Variants in HLCS observed in about 807,000 individuals in gnomAD.
HLCS encodes holocarboxylase synthetase, also known as biotin--protein ligase.
In HLCS, 53 loss-of-function variants were observed where a neutral mutation model predicts 75.0. That is an observed-to-expected ratio of 0.71 (90% CI 0.57 to 0.89). The LOEUF is 0.89. HLCS is among the 40% of genes least tolerant of loss of function. The pLI is 0.00. For synonymous variants in HLCS, 431 were observed against 428.6 expected (o/e 1.01, Z -0.07); for missense variants, 966 against 1,074.0 (o/e 0.90, Z 1.41).
rs115524798 is a variant in HLCS, at chr21:36,910,585, T to C, written c.1621-13454A>G. ...TGGCGCTCCTGAAATAGGACTATTT[T>C]TTTTTCCTGACTTCATCTAAGGCAG... On this transcript the variant is annotated intron_variant, in intron 5 of 10. Coordinates refer to ENST00000674895, the MANE Select transcript of HLCS (RefSeq NM_001352514.2). 9.4e-3 allele frequency among the ~76,000 whole-genome samples: 1,427 copies of C among 152,118 alleles called. 14 individuals are homozygous for C. Among genetic ancestry groups the C allele is most frequent in the African/African-American group, 0.029 (1,203 of 41,484 alleles).
At chr21:36,890,632 C>T (rs1483357208) in intron 6 of HLCS, among the ~76,000 whole-genome samples, 1 of 151,962 alleles carries the variant, frequency 6.6e-6, no homozygotes, top group Non-Finnish European at 1.5e-5. Context: ...CTCACATGCC[C>T]AGAGAGATCA....
At chr21:36,793,293 G>GTTTTTTTTTTTTTTTTTTTTTTT (rs1569018321) in intron 6 of HLCS, among the ~76,000 whole-genome samples, 2 of 108,494 alleles carry the variant, frequency 1.8e-5, no homozygotes, top group African/African-American at 6.5e-5. Flanking sequence ...GCAGGAAGCA[G>GTTTTTTTTTTTTTTTTTTTTTTT]TCTTTTTTTT....
At chr21:36,888,438 AAAAAAAAATATATATATAT>A (rs2064574503) in intron 6 of HLCS, among the ~76,000 whole-genome samples, 1 of 30,384 alleles carries the variant, frequency 3.3e-5, no homozygotes, top group African/African-American at 1.1e-4. Context: ...CATTTAAAAA[AAAAAAAAATATATATATAT>A]ATATATATAT....
intron 2 of HLCS, among the ~76,000 whole-genome samples, chr21:36,959,211 C>T (rs1301707129): frequency 2.6e-5 from 4 of 152,220 alleles, no homozygotes; most frequent in African/African-American, 7.2e-5. Flanking sequence ...TCCCTGTGCC[C>T]GCTCTGATTC....
intron 2 of HLCS, among the ~76,000 whole-genome samples, chr21:36,952,789 CAAAAAAAAA>C (rs35700333): frequency 4.1e-5 from 2 of 48,854 alleles, no homozygotes; most frequent in East Asian, 5.9e-4. Flanking sequence ...GACTCCGTCT[CAAAAAAAAA>C]AAAAAAAAAA....
intron 5 of HLCS, among the ~76,000 whole-genome samples, chr21:36,915,390 A>G (rs971982283): frequency 1.3e-5 from 2 of 152,218 alleles, no homozygotes; most frequent in African/African-American, 2.4e-5. Context: ...CCATATCAAG[A>G]GGCCAAGAGC....
intron 5 of HLCS, among the ~76,000 whole-genome samples, chr21:36,915,342 T>C (rs979615948): frequency 6.6e-6 from 1 of 152,260 alleles, no homozygotes; most frequent in Non-Finnish European, 1.5e-5. Flanking sequence ...CATCATGTTA[T>C]GTTAAAATAT....
At chr21:36,950,530 C>T (rs1456320524) in intron 2 of HLCS, among the ~76,000 whole-genome samples, 2 of 151,786 alleles carry the variant, frequency 1.3e-5, no homozygotes, top group South Asian at 2.1e-4. Flanking sequence ...AGTTCAATAG[C>T]GCAATCAGGA....
Position 36,865,267 on chromosome 21 carries a change from G to A in HLCS, c.1892+31593C>T, listed in dbSNP as rs866595027. On this transcript the variant is annotated intron_variant, in intron 6 of 10. Transcript: ENST00000674895. ...CCCACTTATGTGCCCCAGAATGCGCGCCAGTTTAAAGGAATGGCTCTGAGG... is the reference window on the plus strand; with the variant it reads ...CCCACTTATGTGCCCCAGAATGCGCACCAGTTTAAAGGAATGGCTCTGAGG... Among the ~76,000 whole-genome samples, 3 of 151,940 alleles carry A rather than the reference G, an allele frequency of 2.0e-5. No individual in the cohort carries two copies. In the South Asian group the frequency reaches 6.3e-4, roughly 32 times the overall value.
chr21:36,888,475 TATATATATATATATATATA>T lies in HLCS; in HGVS notation c.1892+8366_1892+8384del, dbSNP rs1569149864. 8.8e-4 allele frequency among the ~76,000 whole-genome samples: 111 copies of T among 126,034 alleles called. 6 individuals are homozygous for T. Among genetic ancestry groups the T allele is most frequent in the South Asian group, 4.0e-3 (16 of 3,960 alleles). 82.7% of individuals were successfully genotyped at this position (126,034 alleles called of 152,430 possible). A position where few individuals can be genotyped will look rare whatever the true frequency, so the allele number is the denominator to read the frequency against. ...ATATATATATATATATATATATATA[TATATATATATATATATATA>T]TATTTATTTATTTATTTTATGGGAT... On this transcript the variant is annotated intron_variant, in intron 6 of 10. Transcript: ENST00000674895.
intron 6 of HLCS, among the ~76,000 whole-genome samples, chr21:36,791,231 C>T (rs954436527): frequency 6.6e-6 from 1 of 152,152 alleles, no homozygotes; most frequent in Non-Finnish European, 1.5e-5. Flanking sequence ...GGAAACCCCA[C>T]ATAGGATGTC....
chr21:36,968,315 C>T (rs902517731), upstream of HLCS, among the ~76,000 whole-genome samples: 6 of 152,190 alleles, frequency 3.9e-5, no homozygotes, highest in Middle Eastern at 3.2e-3. Context: ...TTTAAAGTAC[C>T]TTGGCCATTT....
intron 5 of HLCS, among the ~76,000 whole-genome samples, chr21:36,920,411 AAAATAAAAAT>A (rs1467129646): frequency 2.0e-5 from 3 of 152,022 alleles, no homozygotes; most frequent in Non-Finnish European, 2.9e-5. Context: ...ATGGATGCAA[AAAATAAAAAT>A]AAATAAAAAG....
At chr21:36,946,630 GA>G (rs767453003) in intron 2 of HLCS, among the ~76,000 whole-genome samples, 58 of 146,396 alleles carry the variant, frequency 4.0e-4, no homozygotes, top group East Asian at 2.6e-3. Context: ...AAACAATCAT[GA>G]AAAAAAAAAA....
At chr21:36,761,143 G>A (rs902066773) in intron 8 of HLCS, among the ~76,000 whole-genome samples, 1 of 152,188 alleles carries the variant, frequency 6.6e-6, no homozygotes, top group African/African-American at 2.4e-5. Flanking sequence ...CCTATGTGTT[G>A]GTGCTAGCGC....
At chr21:36,765,297 G>A (rs531174452) in intron 7 of HLCS, 125 bp from the exon 8 acceptor site, 12 of 915,338 alleles carry the variant, frequency 1.3e-5, no homozygotes, top group African/African-American at 1.2e-4. Flanking sequence ...GTATTACAAC[G>A]CTTATTATAT....
chr21:36,925,879 A>G (rs1169426762), intron 5 of HLCS, among the ~76,000 whole-genome samples: 2 of 152,262 alleles, frequency 1.3e-5, no homozygotes, highest in Admixed American at 6.5e-5. Context: ...ATAGAAAATA[A>G]AATCTATTAA....
intron 2 of HLCS, among the ~76,000 whole-genome samples, chr21:36,951,120 T>C (rs1455329219): frequency 6.6e-6 from 1 of 152,234 alleles, no homozygotes; most frequent in Non-Finnish European, 1.5e-5. Context: ...TGAATTGATG[T>C]GATAAACAAT....
chr21:36,817,014 C>A (rs868086262), intron 6 of HLCS, among the ~76,000 whole-genome samples: 1 of 152,182 alleles, frequency 6.6e-6, no homozygotes. Flanking sequence ...CCCTCTGCCA[C>A]GCCAAGCAAC....
Sources: gnomAD v4.1 joint callset for allele counts (sites outside exome capture counted in the v4.1 genomes callset) on GRCh38, gnomAD v4.1.1 for gene constraint, MANE v1.5 for transcripts, NCBI Gene and HGNC (gene_info 2026-07-23, HGNC 2026-07-21) for gene names.